Variants in PLS1 observed in about 807,000 individuals in gnomAD.
The protein encoded by PLS1 is plastin-1.
Under a neutral mutation model 73.7 loss-of-function variants are expected in PLS1, and 32 were observed. The ratio of observed to expected loss-of-function variants is 0.43; its 90% CI spans 0.33 to 0.58. The LOEUF is 0.58. Ranked by LOEUF, PLS1 falls within the 20% of genes least tolerant of loss-of-function variation. The probability of loss-of-function intolerance (pLI) is 0.04; values close to 1 mark genes in which losing one functional copy is unlikely to be tolerated. For missense variants in PLS1, 633 were observed against 740.5 expected (o/e 0.85, Z 1.68); for synonymous variants, 217 against 261.3 (o/e 0.83, Z 1.63).
intron 14 of PLS1, among the ~76,000 whole-genome samples, chr3:142,709,876 T>C (rs140270620): frequency 1.3e-5 from 2 of 152,192 alleles, no homozygotes; most frequent in African/African-American, 4.8e-5. Context: ...AAAGAAGCTG[T>C]TACTCTTCTT....
chr3:142,601,296 T>C (rs2035924496), intron 1 of PLS1, among the ~76,000 whole-genome samples: 1 of 151,924 alleles, frequency 6.6e-6, no homozygotes, highest in Non-Finnish European at 1.5e-5. Context: ...CAAAATCAGG[T>C]AGTATGTTGA....
In PLS1 at chr3:142,703,966, A is replaced by C. The variant is rs1287813237; in HGVS notation, c.1470A>C (p.Thr490=). ...AGGACCTAAATGAAGGGAATTCAACACTTACCCTGGCATTGGTATGGCAGC... is the reference window on the plus strand; with the variant it reads ...AGGACCTAAATGAAGGGAATTCAACCCTTACCCTGGCATTGGTATGGCAGC... ...AGQDLNEGNS[T]LTLALVWQLM... The change falls in exon 13 of 16, where the codon ACA becomes ACC. Residue 490 remains threonine (T), a synonymous_variant. Transcript: ENST00000457734. 2.5e-6 allele frequency: 4 copies of C among 1,613,812 alleles called. No homozygotes were observed. The African/African-American group carries it at 4.0e-5, about 16-fold the overall frequency.
intron 1 of PLS1, among the ~76,000 whole-genome samples, chr3:142,655,695 C>A (rs1389236911): frequency 6.9e-6 from 1 of 144,464 alleles, no homozygotes; most frequent in African/African-American, 2.6e-5. Flanking sequence ...GCACTCCAGC[C>A]TGGGCAACAA....
intron 4 of PLS1, among the ~76,000 whole-genome samples, chr3:142,675,667 G>A (rs1425670644): frequency 2.6e-5 from 4 of 151,646 alleles, no homozygotes; most frequent in Non-Finnish European, 5.9e-5. Context: ...TTACAGGCGT[G>A]AGCCACCGTG....
At chr3:142,626,312 AG>A (rs2036426967) in intron 1 of PLS1, among the ~76,000 whole-genome samples, 1 of 152,136 alleles carries the variant, frequency 6.6e-6, no homozygotes, top group African/African-American at 2.4e-5. Context: ...GGGAGGATGG[AG>A]GGGCAGGAGT....
intron 1 of PLS1, among the ~76,000 whole-genome samples, chr3:142,653,099 T>C (rs2037134815): frequency 6.6e-6 from 1 of 152,204 alleles, no homozygotes; most frequent in African/African-American, 2.4e-5. Context: ...TTCTGGTAAC[T>C]GCCGCCCCTG....
At chr3:142,602,471 G>A (rs138360217) in intron 1 of PLS1, among the ~76,000 whole-genome samples, 1 of 152,120 alleles carries the variant, frequency 6.6e-6, no homozygotes, top group South Asian at 2.1e-4. Flanking sequence ...CCCCCAGGAA[G>A]AATCCAGGTG....
intron 4 of PLS1, among the ~76,000 whole-genome samples, chr3:142,674,665 A>ATGAAGTTGTTGT: frequency 6.6e-6 from 1 of 152,178 alleles, no homozygotes; most frequent in African/African-American, 2.4e-5. Flanking sequence ...CCATGTGTTG[A>ATGAAGTTGTTGT]GAAGTTGTTG....
At chr3:142,684,998 T>G (rs1216981894) in intron 8 of PLS1, among the ~76,000 whole-genome samples, 2 of 152,112 alleles carry the variant, frequency 1.3e-5, no homozygotes, top group Non-Finnish European at 2.9e-5. Context: ...TTTTTTCTTC[T>G]CTCTGTTTCT....
At chr3:142,651,516 G>C (rs2037092604) in intron 1 of PLS1, among the ~76,000 whole-genome samples, 1 of 151,270 alleles carries the variant, frequency 6.6e-6, no homozygotes, top group Non-Finnish European at 1.5e-5. Context: ...GGAGACAAGG[G>C]GGGTCTCACT....
In PLS1 at chr3:142,712,627, A is replaced by C. The variant is rs947504926; in HGVS notation, c.*620A>C. 4.6e-5 allele frequency: 7 copies of C among 152,332 alleles called. No individual in the cohort carries two copies. Among genetic ancestry groups the C allele is most frequent in the African/African-American group, 1.7e-4 (7 of 41,452 alleles). The allele number at this position is 152,332 out of a possible 1,614,324, so 9.4% of individuals were successfully genotyped here. A position where few individuals can be genotyped will look rare whatever the true frequency, so the allele number is the denominator to read the frequency against. ...AGCTTTTTACTTAAAATTTAATTTT[A>C]ACTACATTGATACTTTACACATCCT... On this transcript the variant is annotated 3_prime_UTR_variant, in exon 16 of 16. Transcript: ENST00000457734.
intron 11 of PLS1, among the ~76,000 whole-genome samples, chr3:142,697,669 G>A (rs867352792): frequency 6.6e-6 from 1 of 152,156 alleles, no homozygotes; most frequent in African/African-American, 2.4e-5. Flanking sequence ...TTATAGTATA[G>A]TTTACTTAAC....
chr3:142,638,894 G>A (rs111644979), intron 1 of PLS1, among the ~76,000 whole-genome samples: 3,909 of 151,856 alleles, frequency 0.026, 176 homozygotes, highest in African/African-American at 0.089. Flanking sequence ...GGCATCCACC[G>A]CCACGCCTGG....
intron 1 of PLS1, among the ~76,000 whole-genome samples, chr3:142,626,496 AT>A (rs1296672518): frequency 2.0e-5 from 3 of 152,236 alleles, no homozygotes; most frequent in Admixed American, 6.5e-5. Context: ...AAATAAGACG[AT>A]TTTTTAAATC....
chr3:142,647,127 T>G (rs752659904), intron 1 of PLS1, among the ~76,000 whole-genome samples: 1 of 152,228 alleles, frequency 6.6e-6, no homozygotes, highest in African/African-American at 2.4e-5. Flanking sequence ...ATTTTTCATG[T>G]GCCAGATATG....
intron 1 of PLS1, among the ~76,000 whole-genome samples, chr3:142,601,162 TG>T (rs1349385218): frequency 6.6e-6 from 1 of 150,664 alleles, no homozygotes; most frequent in Non-Finnish European, 1.5e-5. Context: ...CCTGACCTCG[TG>T]ATCCGCCCGC....
chr3:142,684,539 T>TC, intron 8 of PLS1, 144 bp downstream of exon 8: 1 of 645,762 alleles, frequency 1.5e-6, no homozygotes, highest in Non-Finnish European at 2.7e-6. Flanking sequence ...GTGAAGTAGA[T>TC]CCCCCAATTA....
intron 1 of PLS1, among the ~76,000 whole-genome samples, chr3:142,626,587 TTAA>T (rs1185995908): frequency 2.0e-5 from 3 of 152,244 alleles, no homozygotes; most frequent in Admixed American, 1.3e-4. Flanking sequence ...CTGTTTATTA[TTAA>T]TGAGTGAGTA....
chr3:142,642,865 A>AT (rs2036870388), intron 1 of PLS1, among the ~76,000 whole-genome samples: 1 of 152,050 alleles, frequency 6.6e-6, no homozygotes, highest in Admixed American at 6.6e-5. Context: ...TAATTTTAGT[A>AT]TTTTTTGTAG....
Sources: allele counts gnomAD v4.1 joint callset (sites outside exome capture counted in the v4.1 genomes callset), GRCh38; gene constraint gnomAD v4.1.1; transcripts MANE v1.5; gene names NCBI Gene and HGNC (gene_info 2026-07-23, HGNC 2026-07-21).